Variants in LEKR1 observed in about 807,000 individuals in gnomAD.
The protein encoded by LEKR1 is leucine, glutamate and lysine rich 1.
LEKR1 carries 59 observed loss-of-function variants against 72.4 expected under a neutral mutation model. The ratio of observed to expected loss-of-function variants is 0.82; its 90% CI spans 0.66 to 1.01. LEKR1 has a LOEUF of 1.01. Among genes scored for constraint, LEKR1 ranks in the 50% least tolerant of loss-of-function variants. LEKR1 has a pLI of 0.00. For missense variants in LEKR1, 728 were observed against 759.2 expected (o/e 0.96, Z 0.48); for synonymous variants, 257 against 263.2 (o/e 0.98, Z 0.23).
chr3:156,920,787 C>A, intron 4 of LEKR1, 93 bp downstream of exon 4: 1 of 690,312 alleles, frequency 1.4e-6, no homozygotes, highest in Non-Finnish European at 2.3e-6. Flanking sequence ...AATATGGTTT[C>A]TATATCTGGT....
At chr3:156,877,737 A>G (rs1560044874) in intron 3 of LEKR1, among the ~76,000 whole-genome samples, 1 of 151,884 alleles carries the variant, frequency 6.6e-6, no homozygotes, top group Non-Finnish European at 1.5e-5. Flanking sequence ...TAGCCTGTCA[A>G]TTTTATCTTT....
intron 10 of LEKR1, among the ~76,000 whole-genome samples, chr3:157,022,707 C>A (rs994523507): frequency 6.6e-6 from 1 of 152,124 alleles, no homozygotes; most frequent in Admixed American, 6.6e-5. Context: ...TACCAGGAGG[C>A]AAAGTGGATT....
intron 12 of LEKR1, among the ~76,000 whole-genome samples, chr3:157,036,343 A>C (rs1250592295): frequency 1.3e-5 from 2 of 152,172 alleles, no homozygotes; most frequent in Non-Finnish European, 2.9e-5. Context: ...AAAGATGTGA[A>C]ATCTCCTAGA....
chr3:156,866,168 AT>A (rs1717288905), intron 3 of LEKR1, among the ~76,000 whole-genome samples: 1 of 152,046 alleles, frequency 6.6e-6, no homozygotes, highest in Non-Finnish European at 1.5e-5. Flanking sequence ...TGTTTGAGGA[AT>A]TCTCCTTTGT....
In LEKR1 at chr3:156,910,954, A is replaced by G. The variant is rs190586221; in HGVS notation, c.264-9621A>G. Among the ~76,000 whole-genome samples the G allele has an allele frequency of 1.2e-4, 18 of 152,296 alleles. No homozygotes were observed. In the East Asian group the frequency reaches 2.5e-3, roughly 21 times the overall value. On this transcript the variant is annotated intron_variant, in intron 3 of 12. Transcript: ENST00000356539. ...GCTGAACTAATTTACATTCCCACCAACAATGTATAAGCATTCCCTTTCCTC... is the reference window on the plus strand; with the variant it reads ...GCTGAACTAATTTACATTCCCACCAGCAATGTATAAGCATTCCCTTTCCTC...
chr3:156,913,904 T>C (rs766313235), intron 3 of LEKR1, among the ~76,000 whole-genome samples: 4 of 152,030 alleles, frequency 2.6e-5, no homozygotes, highest in Non-Finnish European at 4.4e-5. Flanking sequence ...GAGAAAATGA[T>C]AAAATAAATA....
At chr3:156,999,586 A>C (rs1450417843) in intron 9 of LEKR1, among the ~76,000 whole-genome samples, 1 of 152,232 alleles carries the variant, frequency 6.6e-6, no homozygotes, top group Admixed American at 6.5e-5. Context: ...TAAGGGGGAC[A>C]GGAGGCCAGC....
At chr3:156,955,861 A>G (rs1727582017) in intron 6 of LEKR1, among the ~76,000 whole-genome samples, 1 of 151,610 alleles carries the variant, frequency 6.6e-6, no homozygotes, top group South Asian at 2.1e-4. Context: ...TTTGGCTATT[A>G]GGATGATGCT....
chr3:157,012,858 T>C (rs771252107), intron 10 of LEKR1, among the ~76,000 whole-genome samples: 1 of 152,134 alleles, frequency 6.6e-6, no homozygotes, highest in Non-Finnish European at 1.5e-5. Context: ...GGTATTCAAC[T>C]GACTGGTCTG....
intron 3 of LEKR1, among the ~76,000 whole-genome samples, chr3:156,856,902 C>T (rs930857598): frequency 6.6e-6 from 1 of 151,924 alleles, no homozygotes; most frequent in Non-Finnish European, 1.5e-5. Flanking sequence ...TACCCTTTTC[C>T]TCCTTTTTCT....
At position 157,014,557 on chromosome 3, in the gene LEKR1, G is replaced by A. The variant is rs181753765; in HGVS notation, c.1203+3051G>A. ...AAAATTAAAAGAGATAATTTCTGAC[G>A]TACAAAATGTGACACAGATGATGTT... On this transcript the variant is annotated intron_variant, in intron 10 of 12. Coordinates refer to ENST00000356539, the MANE Select transcript of LEKR1 (RefSeq NM_001004316.3). Among the ~76,000 whole-genome samples, 113 of 152,134 alleles carry A rather than the reference G, an allele frequency of 7.4e-4. 1 individual carries two copies. The highest frequency in any genetic ancestry group is 5.0e-3 in the Admixed American group (77 of 15,272).
rs1726333644 is a variant in LEKR1, at chr3:156,942,751, T to C, written c.745+37T>C. 4.4e-6 allele frequency: 4 copies of C among 905,082 alleles called. 1 individual carries two copies. In the South Asian group the frequency reaches 6.1e-5, roughly 14 times the overall value. The allele number at this position is 905,082 out of a possible 1,614,324, so 56.1% of individuals were successfully genotyped here. On this transcript the variant is annotated intron_variant, in intron 6 of 12. Coordinates refer to ENST00000356539, the MANE Select transcript of LEKR1 (RefSeq NM_001004316.3). ...TCTTTTGCTGTTTTTGGTGACTAGT[T>C]ATATAAGTACATGAATAAATGTTTA...
At chr3:156,918,525 A>G (rs1031303512) in intron 3 of LEKR1, among the ~76,000 whole-genome samples, 9 of 152,140 alleles carry the variant, frequency 5.9e-5, no homozygotes, top group Non-Finnish European at 1.3e-4. Context: ...ACCAAAGATG[A>G]TAGACCAGAG....
chr3:156,952,598 T>TA (rs1479824644), intron 6 of LEKR1, among the ~76,000 whole-genome samples: 2 of 151,530 alleles, frequency 1.3e-5, no homozygotes, highest in Non-Finnish European at 3.0e-5. Flanking sequence ...GGCACTCTAA[T>TA]ACATTTCTGG....
chr3:156,856,713 CA>C (rs962190014), intron 3 of LEKR1, among the ~76,000 whole-genome samples: 6 of 152,034 alleles, frequency 3.9e-5, no homozygotes, highest in African/African-American at 1.4e-4. Context: ...CTTTTTATTA[CA>C]TTTTTTTGAA....
Position 156,979,223 on chromosome 3 carries a change from T to A in LEKR1, c.775T>A (p.Leu259Ile), listed in dbSNP as rs372814129. ...ACAATGTCTAGTAGAGGCACTTGGA[T>A]TAAAACTTCAGAAGGCGGTGACAGA... ...DLQCLVEALG[L>I]KLQKAVTEMD... Residue 259 changes from leucine (L) to isoleucine (I), a missense_variant, in exon 7 of 13, where the codon TTA (leucine) becomes ATA (isoleucine). Physicochemically the swap from Leu to Ile is conservative, Grantham distance 5. Coordinates refer to ENST00000356539, the MANE Select transcript of LEKR1 (RefSeq NM_001004316.3). 132 of 1,287,472 alleles carry A rather than the reference T, an allele frequency of 1.0e-4. No individual in the cohort carries two copies. In the Middle Eastern group the frequency reaches 1.1e-3, roughly 10 times the overall value. 79.8% of individuals were successfully genotyped at this position (1,287,472 alleles called of 1,614,324 possible).
chr3:157,006,228 A>G (rs906388021), intron 9 of LEKR1, among the ~76,000 whole-genome samples: 2 of 150,976 alleles, frequency 1.3e-5, no homozygotes, highest in Non-Finnish European at 3.0e-5. Flanking sequence ...GATGGTCTCG[A>G]TCTCCTGACC....
In LEKR1 at chr3:157,024,909, G is replaced by T; in HGVS notation, c.1353G>T (p.Glu451Asp). 6.3e-7 allele frequency: 1 copy of T among 1,586,442 alleles called. No homozygotes were observed. Among genetic ancestry groups the T allele is most frequent in the Non-Finnish European group, 8.6e-7 (1 of 1,164,976 alleles). ...TCCAAAAGTATAAGAAAGAACAAGA[G>T]GAACTACAAATGAAGGTCTGTAATT... The part of the protein sequence containing the change: ...DVIQKYKKEQ[E>D]ELQMKISDLI... Residue 451 changes from glutamate to aspartate, a missense_variant, in exon 11 of 13, where the codon GAG becomes GAT. Coordinates refer to ENST00000356539, the MANE Select transcript of LEKR1 (RefSeq NM_001004316.3).
chr3:157,028,696 A>C (rs574026797), intron 12 of LEKR1, among the ~76,000 whole-genome samples: 2 of 152,332 alleles, frequency 1.3e-5, no homozygotes, highest in African/African-American at 4.8e-5. Flanking sequence ...CTCTAAGAGT[A>C]GGAATCTTTA....
Sources: allele counts gnomAD v4.1 joint callset (sites outside exome capture counted in the v4.1 genomes callset), GRCh38; gene constraint gnomAD v4.1.1; transcripts MANE v1.5; gene names NCBI Gene and HGNC (gene_info 2026-07-23, HGNC 2026-07-21).